ARMC5: variants seen among roughly 807,000 people sequenced by gnomAD.
ARMC5 encodes armadillo repeat-containing protein 5.
Under a neutral mutation model 60.5 loss-of-function variants are expected in ARMC5, and 28 were observed. The observed-to-expected ratio is 0.46, with a 90% CI of 0.34 to 0.63. ARMC5 has a LOEUF of 0.63. Among genes scored for constraint, ARMC5 ranks in the 30% least tolerant of loss-of-function variants. The pLI is 0.01. For synonymous variants in ARMC5, 680 were observed against 607.3 expected, an observed-to-expected ratio of 1.12 and a Z score of -1.76; for missense variants, 1,189 against 1,304.9, an observed-to-expected ratio of 0.91 and a Z score of 1.37.
chr16:31,460,244 C>G (rs947806069), intron 1 of ARMC5: 21 of 499,366 alleles, frequency 4.2e-5, no homozygotes, highest in Non-Finnish European at 6.6e-5. Flanking sequence ...GGACTTCTTT[C>G]GAAGCTGGAC....
At chr16:31,461,738 C>T (rs924554024) in intron 1 of ARMC5, among the ~76,000 whole-genome samples, 184 bp from the exon 2 acceptor site, 5 of 152,188 alleles carry the variant, frequency 3.3e-5, no homozygotes, top group African/African-American at 1.2e-4. Flanking sequence ...GAACTCCTGA[C>T]CTCAAGTGAC....
At position 31,459,841 on chromosome 16, in the gene ARMC5, C is replaced by G. The variant is rs1384785194; in HGVS notation, c.317C>G (p.Ala106Gly). The G allele has an allele frequency of 6.4e-7, 1 of 1,574,712 alleles. No homozygotes were observed. The highest frequency in any genetic ancestry group is 1.4e-5 in the African/African-American group (1 of 73,996). Reference protein sequence around the residue: ...AASGASSPAPASGPAPSAVSS... With the variant: ...AASGASSPAPGSGPAPSAVSS... ...TCGGGAGCTTCTAGCCCCGCCCCCG[C>G]GTCGGGCCCCGCCCCCTCCGCTGTG... is the stretch of plus-strand genomic sequence containing the variant. Residue 106 changes from alanine (A) to glycine (G), a missense_variant, in exon 1 of 6, where the codon GCG becomes GGG. Ala to Gly is a moderately conservative substitution (Grantham distance 60). Around this residue, in one of 2 missense-constraint regions of ARMC5, gnomAD observed 327 missense variants for 233.7 expected, o/e 1.40. Coordinates refer to ENST00000268314, the MANE Select transcript of ARMC5 (RefSeq NM_001105247.2).
chr16:31,466,403 C>G lies in ARMC5; in HGVS notation c.2322C>G (p.Phe774Leu). ...CCTCAGCCACCGCCTCCCCTTTCTT[C>G]CGGGCCCTGCTGTCAGGCAGCTTTG... ...RAASATASPF[F>L]RALLSGSFAE... The change falls in exon 6 of 6, where the codon TTC (phenylalanine) becomes TTG (leucine). Residue 774 changes from phenylalanine to leucine, a missense_variant. Phe to Leu is a conservative substitution (Grantham distance 22). Around this residue, in one of 2 missense-constraint regions of ARMC5, gnomAD observed 862 missense variants for 1,071.2 expected, o/e 0.80. Transcript: ENST00000268314. The surrounding 1 kb of genome is among the most constrained non-coding windows in gnomAD (Gnocchi z 8.0). The G allele has an allele frequency of 1.2e-6, 2 of 1,612,326 alleles. No individual in the cohort carries two copies. The highest frequency in any genetic ancestry group is 1.7e-6 in the Non-Finnish European group (2 of 1,179,848).
intron 1 of ARMC5, among the ~76,000 whole-genome samples, chr16:31,460,537 A>G (rs8056200): frequency 1.3e-5 from 2 of 152,200 alleles, no homozygotes; most frequent in Admixed American, 6.5e-5. Flanking sequence ...CGAATATGCA[A>G]ATATTCTAAG....
In ARMC5 at chr16:31,466,053, T is replaced by G; in HGVS notation, c.1998-26T>G. The G allele has an allele frequency of 1.3e-6, 2 of 1,592,126 alleles. No homozygotes were observed. The highest frequency in any genetic ancestry group is 1.7e-6 in the Non-Finnish European group (2 of 1,175,548). On this transcript the variant is annotated intron_variant, in intron 5 of 5. Coordinates refer to ENST00000268314, the MANE Select transcript of ARMC5 (RefSeq NM_001105247.2). This position sits in a 1 kb window ranked among gnomAD's most constrained non-coding sequence, Gnocchi z 8.0. ...TGTTTCCCAGGCCCGTTGCCCACCTTTTGAAAGGCCCTCTCTTCCCTGTAG... is the reference window on the plus strand; with the variant it reads ...TGTTTCCCAGGCCCGTTGCCCACCTGTTGAAAGGCCCTCTCTTCCCTGTAG...
chr16:31,459,301 C>T (rs2082276071), upstream of ARMC5: 1 of 1,534,732 alleles, frequency 6.5e-7, no homozygotes, highest in Non-Finnish European at 8.7e-7. Context: ...ACATCTCCCT[C>T]ATGCACCGCC....
At chr16:31,465,111 A>C (rs752235235) in intron 4 of ARMC5, 2 of 1,614,026 alleles carry the variant, frequency 1.2e-6, no homozygotes, top group Non-Finnish European at 1.7e-6. Flanking sequence ...TGGGACCCAG[A>C]TACCCTAACT....
In ARMC5 at chr16:31,459,821, A is replaced by G. The variant is rs767038404; in HGVS notation, c.297A>G (p.Gly99=). The part of the protein sequence containing the change: ...PGSAPSSAAS[G]ASSPAPASGP... ...CCGCCCCCTCGTCGGCCGCGTCGGG[A>G]GCTTCTAGCCCCGCCCCCGCGTCGG... The change falls in exon 1 of 6, where the codon GGA becomes GGG. Residue 99 remains glycine (G), a synonymous_variant. Transcript: ENST00000268314. 5.1e-5 allele frequency: 79 copies of G among 1,550,872 alleles called. No homozygotes were observed. The highest frequency in any genetic ancestry group is 6.4e-5 in the Non-Finnish European group (74 of 1,155,156).
chr16:31,464,917 C>A lies in ARMC5; in HGVS notation c.1864+30C>A, dbSNP rs200215311. On this transcript the variant is annotated intron_variant, in intron 4 of 5. Coordinates refer to ENST00000268314, the MANE Select transcript of ARMC5 (RefSeq NM_001105247.2). This position sits in a 1 kb window ranked among gnomAD's most constrained non-coding sequence, Gnocchi z 7.6. ...GTTCCCATACCCACCCGTCTCCTTG[C>A]CCCCATGTGAGTCCCCATCCTCCCC... The A allele has an allele frequency of 2.5e-5, 41 of 1,610,610 alleles. No individual in the cohort carries two copies. Among genetic ancestry groups the A allele is most frequent in the Non-Finnish European group, 3.1e-5 (37 of 1,179,588 alleles).
Position 31,465,847 on chromosome 16 carries a change from C to T in ARMC5, c.1865-3C>T. 2 of 1,608,928 alleles carry T rather than the reference C, an allele frequency of 1.2e-6. No homozygotes were observed. The highest frequency in any genetic ancestry group is 2.2e-5 in the East Asian group (1 of 44,888). On this transcript the variant is annotated splice_polypyrimidine_tract_variant and splice_region_variant and intron_variant, in intron 4 of 5. Transcript: ENST00000268314. ...CCCAGCCTGACAAGCTTTCCACTCA[C>T]AGGGGAGAGGCTACTGCAGAACCTG...
At chr16:31,465,305 A>G in intron 4 of ARMC5, 3 of 1,459,334 alleles carry the variant, frequency 2.1e-6, no homozygotes, top group Admixed American at 2.6e-5. Flanking sequence ...AGGCTGCTTC[A>G]TGGCGTTACT....
In ARMC5 at chr16:31,459,950, AG is replaced by A; in HGVS notation, c.430del (p.Ala144ArgfsTer16). The stretch of plus-strand genomic sequence containing the variant: ...GCATCCTAGCCGATTGCTGTACGGA[AG>A]GGGCGTGCCGGACCGAAGTGCGCAG... The part of the protein sequence containing the change: ...LSILADCCTE[G>X]ACRTEVRRLG... On this transcript the variant is annotated frameshift_variant, in exon 1 of 6. Coordinates refer to ENST00000268314, the MANE Select transcript of ARMC5 (RefSeq NM_001105247.2). LOFTEE classifies it high-confidence loss of function. 6.2e-7 allele frequency: 1 copy of A among 1,603,430 alleles called. No individual in the cohort carries two copies. The highest frequency in any genetic ancestry group is 1.3e-5 in the African/African-American group (1 of 74,908).
chr16:31,466,409 C>A lies in ARMC5; in HGVS notation c.2328C>A (p.Ala776=), dbSNP rs777746191. 6.2e-7 allele frequency: 1 copy of A among 1,612,300 alleles called. No homozygotes were observed. The highest frequency in any genetic ancestry group is 8.5e-7 in the Non-Finnish European group (1 of 1,179,852). The part of the protein sequence containing the change: ...ASATASPFFR[A]LLSGSFAEAQ... ...CCACCGCCTCCCCTTTCTTCCGGGC[C>A]CTGCTGTCAGGCAGCTTTGCAGAAG... Residue 776 remains alanine, a synonymous_variant, in exon 6 of 6, where the codon GCC becomes GCA. Coordinates refer to ENST00000268314, the MANE Select transcript of ARMC5 (RefSeq NM_001105247.2). This position sits in a 1 kb window ranked among gnomAD's most constrained non-coding sequence, Gnocchi z 8.0.
chr16:31,465,751 G>A, intron 4 of ARMC5, 99 bp from the exon 5 acceptor site: 1 of 1,566,786 alleles, frequency 6.4e-7, no homozygotes, highest in African/African-American at 1.4e-5. Context: ...CTCACCCAGA[G>A]GTTTCACCCT....
chr16:31,458,663 G>A, upstream of ARMC5: 1 of 1,443,450 alleles, frequency 6.9e-7, no homozygotes, highest in Non-Finnish European at 9.1e-7. Flanking sequence ...ACCATTTTCC[G>A]GGCGGGCAGC....
chr16:31,461,529 A>C (rs529600427), intron 1 of ARMC5, among the ~76,000 whole-genome samples: 2 of 152,060 alleles, frequency 1.3e-5, no homozygotes, highest in South Asian at 2.1e-4. Flanking sequence ...TTTTTTTGAG[A>C]TGGAGTCTTG....
rs1343029128 is a variant in ARMC5, at chr16:31,467,147, T to G, written c.*258T>G. 4 of 408,536 alleles carry G rather than the reference T, an allele frequency of 9.8e-6. No homozygotes were observed. Among genetic ancestry groups the G allele is most frequent in the Non-Finnish European group, 1.7e-5 (4 of 231,942 alleles). 25.3% of individuals were successfully genotyped at this position (408,536 alleles called of 1,614,324 possible). ...TGGCCTAGACCTCTGGAATTGAGAT[T>G]AAACAATTTGGAGTTGGATACCTGT... On this transcript the variant is annotated 3_prime_UTR_variant, in exon 6 of 6. Transcript: ENST00000268314.
chr16:31,464,339 C>T lies in ARMC5; in HGVS notation c.1371-55C>T. On this transcript the variant is annotated intron_variant, in intron 3 of 5. Coordinates refer to ENST00000268314, the MANE Select transcript of ARMC5 (RefSeq NM_001105247.2). This position sits in a 1 kb window ranked among gnomAD's most constrained non-coding sequence, Gnocchi z 7.6. Reference sequence around the variant, plus strand: ...AAAGACGCCTCACGCCTCTTGGACTCTGCCCCTTAACCTTGGCTCTGGGTT... The same window carrying T: ...AAAGACGCCTCACGCCTCTTGGACTTTGCCCCTTAACCTTGGCTCTGGGTT... 1 of 1,078,180 alleles carries T rather than the reference C, an allele frequency of 9.3e-7. No homozygotes were observed. Among genetic ancestry groups the T allele is most frequent in the Non-Finnish European group, 1.3e-6 (1 of 766,330 alleles). 66.8% of individuals were successfully genotyped at this position (1,078,180 alleles called of 1,614,324 possible).
At chr16:31,458,592 T>G, upstream of ARMC5, 5 of 1,469,898 alleles carry the variant, frequency 3.4e-6, no homozygotes, top group Non-Finnish European at 4.6e-6. Context: ...ACTCGCAGGT[T>G]TTGGGGCTTG....
Sources: allele counts gnomAD v4.1 joint callset (sites outside exome capture counted in the v4.1 genomes callset), GRCh38; gene constraint gnomAD v4.1.1; regional missense constraint gnomAD v4.1.1; non-coding constraint Gnocchi (gnomAD v3.1); transcripts MANE v1.5; gene names NCBI Gene and HGNC (gene_info 2026-07-23, HGNC 2026-07-21).